CCDC171: variants seen among roughly 807,000 people sequenced by gnomAD.
CCDC171 encodes coiled-coil domain-containing protein 171.
CCDC171 carries 177 observed loss-of-function variants against 168.2 expected under a neutral mutation model. That is an observed-to-expected ratio of 1.05 (90% CI 0.93 to 1.19). CCDC171 has a LOEUF of 1.19. Ranked by LOEUF, CCDC171 falls within the 50% of genes most tolerant of loss-of-function variation. The probability of loss-of-function intolerance (pLI) is 0.00; values close to 1 mark genes in which losing one functional copy is unlikely to be tolerated. For missense variants in CCDC171, 1,991 were observed against 1,539.0 expected (o/e 1.29, Z -4.91); for synonymous variants, 687 against 540.8 (o/e 1.27, Z -3.75).
chr9:16,008,538 G>A (rs145692186), intron 3 of CCDC171, among the ~76,000 whole-genome samples: 2 of 152,104 alleles, frequency 1.3e-5, no homozygotes, highest in Non-Finnish European at 2.9e-5. Flanking sequence ...AGAGTCCCCT[G>A]GAAATGCTTA....
chr9:15,861,078 A>T (rs1316938768), intron 23 of CCDC171, among the ~76,000 whole-genome samples: 1 of 151,796 alleles, frequency 6.6e-6, no homozygotes, highest in East Asian at 1.9e-4. Flanking sequence ...ATTTTGTATG[A>T]TATAAATATA....
At chr9:15,554,821 AT>A (rs1483099675) in intron 1 of CCDC171, among the ~76,000 whole-genome samples, 1 of 152,172 alleles carries the variant, frequency 6.6e-6, no homozygotes, top group East Asian at 1.9e-4. Context: ...TTTTACACAA[AT>A]TATTCAACAT....
intron 11 of CCDC171, among the ~76,000 whole-genome samples, chr9:15,716,778 C>T (rs1241924868): frequency 6.6e-6 from 1 of 152,152 alleles, no homozygotes; most frequent in Non-Finnish European, 1.5e-5. Context: ...AAACCCATTC[C>T]TGTGATGACA....
Position 15,874,593 on chromosome 9 carries a change from T to C in CCDC171, c.3530T>C (p.Leu1177Pro). ...AGTAGGAATGACTTCACCCTACAGC[T>C]ACCCAAACTGCACCTGGAGACCTTT... Reference protein sequence around the residue: ...AASRNDFTLQLPKLHLETFAM... With the variant: ...AASRNDFTLQPPKLHLETFAM... The change falls in exon 24 of 26, where the codon CTA (leucine) becomes CCA (proline). Residue 1177 changes from leucine to proline, a missense_variant. Leu to Pro is a moderately conservative substitution (Grantham distance 98). Transcript: ENST00000380701. The C allele has an allele frequency of 1.2e-6, 2 of 1,607,566 alleles. No homozygotes were observed. The highest frequency in any genetic ancestry group is 1.7e-6 in the Non-Finnish European group (2 of 1,177,066).
At chr9:15,560,124 T>A (rs2039158780) in intron 1 of CCDC171, among the ~76,000 whole-genome samples, 1 of 152,168 alleles carries the variant, frequency 6.6e-6, no homozygotes, top group Non-Finnish European at 1.5e-5. Context: ...TGGGCTTCCC[T>A]TTGTGGGTAA....
At chr9:15,873,651 G>A (rs918167909) in intron 23 of CCDC171, among the ~76,000 whole-genome samples, 5 of 151,956 alleles carry the variant, frequency 3.3e-5, no homozygotes, top group Non-Finnish European at 5.9e-5. Context: ...AAATGCAAAC[G>A]AAACTATGGA....
At chr9:15,878,867 A>G (rs1036968496) in intron 24 of CCDC171, among the ~76,000 whole-genome samples, 2 of 152,176 alleles carry the variant, frequency 1.3e-5, no homozygotes, top group African/African-American at 4.8e-5. Context: ...TCAGCAATCT[A>G]ACACGGGAAC....
At chr9:16,053,705 T>A (rs1231236755) in intron 1 of CCDC171, among the ~76,000 whole-genome samples, 2 of 152,202 alleles carry the variant, frequency 1.3e-5, no homozygotes, top group Non-Finnish European at 2.9e-5. Flanking sequence ...GGCTGCAGTG[T>A]GGGGCCGGAG....
At chr9:15,643,403 T>C (rs576793643) in intron 7 of CCDC171, among the ~76,000 whole-genome samples, 112 of 152,334 alleles carry the variant, frequency 7.4e-4, no homozygotes, top group African/African-American at 2.3e-3. Context: ...TGCTACAGTA[T>C]GCATCATGCT....
intron 21 of CCDC171, among the ~76,000 whole-genome samples, chr9:15,796,881 A>G (rs2058583185): frequency 6.6e-6 from 1 of 152,222 alleles, no homozygotes; most frequent in Admixed American, 6.5e-5. Flanking sequence ...CACCAGTGCT[A>G]AGGGAGAAAC....
At chr9:15,578,407 GTATTATTATTATTATTATTATTAT>G (rs36232245) in intron 3 of CCDC171, among the ~76,000 whole-genome samples, 3 of 134,308 alleles carry the variant, frequency 2.2e-5, no homozygotes, top group Admixed American at 7.7e-5. Flanking sequence ...GTTAATTTTT[GTATTATTATTATTATTATTATTAT>G]TATTATTATT....
chr9:15,571,864 T>A, intron 3 of CCDC171, 105 bp downstream of exon 3: 1 of 1,020,850 alleles, frequency 9.8e-7, no homozygotes, highest in South Asian at 1.7e-5. Flanking sequence ...TATACCATTC[T>A]TGGGCTTAAA....
At chr9:16,074,213 C>T in the CCDC171 span, among the ~76,000 whole-genome samples, 1,043 of 152,308 alleles carry the variant, frequency 6.8e-3, 11 homozygotes, top group African/African-American at 0.023. Context: ...TTGGTTTCCA[C>T]ACCCATCTAC....
At chr9:15,832,224 C>G (rs1289039018) in intron 21 of CCDC171, among the ~76,000 whole-genome samples, 2 of 152,148 alleles carry the variant, frequency 1.3e-5, no homozygotes, top group African/African-American at 4.8e-5. Context: ...TGGTGAGATA[C>G]AAGTCAAATC....
At chr9:15,861,829 TTG>T (rs1351801170) in intron 23 of CCDC171, among the ~76,000 whole-genome samples, 2 of 152,022 alleles carry the variant, frequency 1.3e-5, no homozygotes, top group Non-Finnish European at 2.9e-5. Flanking sequence ...ATATTTACCT[TTG>T]TGTTCTATAC....
At chr9:15,622,560 G>C (rs1587482518) in intron 6 of CCDC171, among the ~76,000 whole-genome samples, 1 of 152,248 alleles carries the variant, frequency 6.6e-6, no homozygotes, top group African/African-American at 2.4e-5. Context: ...TTTGTTAAAG[G>C]CCTTAAATGA....
At chr9:15,746,524 T>C (rs1330434025) in intron 18 of CCDC171, among the ~76,000 whole-genome samples, 2 of 152,230 alleles carry the variant, frequency 1.3e-5, no homozygotes, top group Non-Finnish European at 2.9e-5. Context: ...CTAAACTAAA[T>C]GTATTTTAAG....
At chr9:15,942,452 A>G (rs949406371) in intron 25 of CCDC171, among the ~76,000 whole-genome samples, 1 of 151,800 alleles carries the variant, frequency 6.6e-6, no homozygotes, top group Non-Finnish European at 1.5e-5. Context: ...TTCTTAAGGG[A>G]AGGAGAAAGG....
chr9:16,013,511 A>G (rs995868442), intron 3 of CCDC171, among the ~76,000 whole-genome samples: 4 of 152,234 alleles, frequency 2.6e-5, no homozygotes, highest in South Asian at 2.1e-4. Context: ...GGGAGGCAGG[A>G]GCATGTAGCA....
Sources: allele counts gnomAD v4.1 joint callset (sites outside exome capture counted in the v4.1 genomes callset), GRCh38; gene constraint gnomAD v4.1.1; transcripts MANE v1.5; gene names NCBI Gene and HGNC (gene_info 2026-07-23, HGNC 2026-07-21).